SCAP: variants seen among roughly 807,000 people sequenced by gnomAD.
SCAP encodes SREBF chaperone.
Under a neutral mutation model 123.6 loss-of-function variants are expected in SCAP, and 65 were observed. That is an observed-to-expected ratio of 0.53 (90% CI 0.43 to 0.65). SCAP has a LOEUF of 0.65. SCAP is among the 30% of genes least tolerant of loss of function. The pLI is 0.00. For missense variants in SCAP, 1,398 were observed against 1,712.5 expected (o/e 0.82, Z 3.24); for synonymous variants, 740 against 726.3 (o/e 1.02, Z -0.30).
intron 2 of SCAP, among the ~76,000 whole-genome samples, chr3:47,440,363 C>A (rs903099964): frequency 6.6e-6 from 1 of 152,148 alleles, no homozygotes; most frequent in Non-Finnish European, 1.5e-5. Context: ...GTCCCTGGGT[C>A]CATGATCTCT....
chr3:47,414,415 C>T, intron 21 of SCAP, 29 bp from the exon 22 acceptor site: 1 of 1,610,832 alleles, frequency 6.2e-7, no homozygotes, highest in Admixed American at 1.7e-5. Context: ...GGAGTGGGGT[C>T]ACCATGGTGT....
intron 10 of SCAP, among the ~76,000 whole-genome samples, chr3:47,422,108 G>A (rs1705928165): frequency 6.6e-6 from 1 of 152,296 alleles, no homozygotes; most frequent in African/African-American, 2.4e-5. Context: ...TGCACAGCCA[G>A]TCCCCAGCTC....
At chr3:47,453,617 T>C (rs1207187221) in intron 1 of SCAP, among the ~76,000 whole-genome samples, 2 of 152,176 alleles carry the variant, frequency 1.3e-5, no homozygotes, top group Admixed American at 6.6e-5. Flanking sequence ...CATTATCTCC[T>C]GAATCCTTGT....
rs142581614 is a variant in SCAP at position 47,427,562 on chromosome 3, C to G, written c.516G>C (p.Leu172=). ...CATTCTGCCAGAAGTTCCCAGGGGA[C>G]AGCAGCAGGCATCCATGCTCAGGGA... ...NLLPEHGCLL[L]SPGNFWQNDW... is the part of the protein sequence containing the mutation. The change falls in exon 5 of 23, where the codon CTG becomes CTC. Residue 172 remains leucine, a synonymous_variant. Coordinates refer to ENST00000265565, the MANE Select transcript of SCAP (RefSeq NM_012235.4). 550 of 1,614,192 alleles carry G rather than the reference C, an allele frequency of 3.4e-4. 2 individuals carry two copies. In the African/African-American group the frequency reaches 6.3e-3, roughly 19 times the overall value.
chr3:47,443,303 CTCT>C, intron 1 of SCAP: 1 of 203,128 alleles, frequency 4.9e-6, no homozygotes, highest in Non-Finnish European at 9.9e-6. Context: ...CTCTCTCTCT[CTCT>C]CTCTCCCTCC....
intron 1 of SCAP, among the ~76,000 whole-genome samples, chr3:47,468,796 T>C (rs1707927300): frequency 6.6e-6 from 1 of 152,216 alleles, no homozygotes; most frequent in Admixed American, 6.6e-5. Context: ...TCCTTGCCCA[T>C]GCCTATGGCC....
intron 6 of SCAP, among the ~76,000 whole-genome samples, chr3:47,426,439 TTTTA>T (rs937851075): frequency 2.9e-4 from 44 of 152,138 alleles, no homozygotes; most frequent in Non-Finnish European, 4.4e-5. Context: ...TATTTATTTA[TTTTA>T]TTTTTTATTT....
At chr3:47,469,824 G>A (rs1019778029) in intron 1 of SCAP, 10 of 585,476 alleles carry the variant, frequency 1.7e-5, no homozygotes, top group African/African-American at 1.3e-4. Context: ...ATTACCCTGG[G>A]CAGTTGGCAA....
intron 9 of SCAP, 122 bp downstream of exon 9, chr3:47,423,811 C>A: frequency 1.4e-6 from 1 of 721,032 alleles, no homozygotes; most frequent in Non-Finnish European, 2.4e-6. Context: ...CATATTATGC[C>A]GGAGGCAAGA....
rs577866140 is a variant in SCAP at position 47,432,978 on chromosome 3, A to G, written c.252+2030T>C. Reference sequence around the variant, plus strand: ...CCAACTGGGCTCCCTTTTATCCTCCACTGGATTGGATGATGCAAAAACATG... The same window carrying G: ...CCAACTGGGCTCCCTTTTATCCTCCGCTGGATTGGATGATGCAAAAACATG... On this transcript the variant is annotated intron_variant, in intron 3 of 22. Coordinates refer to ENST00000265565, the MANE Select transcript of SCAP (RefSeq NM_012235.4). 2.6e-5 allele frequency among the ~76,000 whole-genome samples: 4 copies of G among 152,250 alleles called. No individual in the cohort carries two copies. In the East Asian group the frequency reaches 7.7e-4, roughly 29 times the overall value.
intron 3 of SCAP, among the ~76,000 whole-genome samples, chr3:47,432,577 C>T (rs774229333): frequency 1.8e-4 from 27 of 152,164 alleles, no homozygotes; most frequent in African/African-American, 2.9e-4. Context: ...AGCAGTGAGT[C>T]GAGTAGGGAA....
chr3:47,417,961 GTGGGGA>G (rs1705695615), intron 16 of SCAP, 135 bp from the exon 17 acceptor site: 4 of 481,030 alleles, frequency 8.3e-6, no homozygotes, highest in East Asian at 3.9e-5. Flanking sequence ...GTGGTGCGGG[GTGGGGA>G]GAGGGGGGTA....
chr3:47,448,516 TTC>T (rs370924458), intron 1 of SCAP, among the ~76,000 whole-genome samples: 199 of 152,222 alleles, frequency 1.3e-3, no homozygotes, highest in African/African-American at 4.6e-3. Flanking sequence ...AAGATAAACT[TTC>T]TGTTATTGTC....
At chr3:47,448,689 G>T (rs1223766493) in intron 1 of SCAP, among the ~76,000 whole-genome samples, 1 of 149,968 alleles carries the variant, frequency 6.7e-6, no homozygotes, top group Non-Finnish European at 1.5e-5. Context: ...CATTTAGGTT[G>T]TCATATTTTG....
intron 3 of SCAP, chr3:47,428,989 C>T (rs1315028906): frequency 2.2e-5 from 6 of 267,836 alleles, no homozygotes. Flanking sequence ...ATACTAACTC[C>T]CCCCGGAATT....
At chr3:47,427,809 G>A in intron 4 of SCAP, 142 bp from the exon 5 acceptor site, 1 of 692,660 alleles carries the variant, frequency 1.4e-6, no homozygotes, top group East Asian at 2.7e-5. Flanking sequence ...CACTAGGGCA[G>A]CAGGGGGAAG....
rs1705870823 is a variant in SCAP, at chr3:47,420,906, A to C, written c.1344+25T>G. On this transcript the variant is annotated intron_variant, in intron 11 of 22. Transcript: ENST00000265565. This position sits in a 1 kb window ranked among gnomAD's most constrained non-coding sequence, Gnocchi z 5.0. ...TACAGCCAGGGCTGAGGAGGCGGGC[A>C]GGGCAGGGCTCAGCCCACTCCTACC... 1 of 1,601,130 alleles carries C rather than the reference A, an allele frequency of 6.2e-7. No homozygotes were observed. Among genetic ancestry groups the C allele is most frequent in the Non-Finnish European group, 8.6e-7 (1 of 1,168,454 alleles).
At chr3:47,474,774 G>A (rs1282824844) in intron 1 of SCAP, among the ~76,000 whole-genome samples, 3 of 152,188 alleles carry the variant, frequency 2.0e-5, no homozygotes, top group Admixed American at 6.6e-5. Context: ...TCCAGCCTGG[G>A]AGACAGAGTG....
At chr3:47,464,687 T>A (rs1707762210) in intron 1 of SCAP, among the ~76,000 whole-genome samples, 1 of 152,174 alleles carries the variant, frequency 6.6e-6, no homozygotes. Flanking sequence ...GCTTTTCCCC[T>A]AAAATCAGGA....
Sources: gnomAD v4.1 joint callset for allele counts (sites outside exome capture counted in the v4.1 genomes callset) on GRCh38, gnomAD v4.1.1 for gene constraint, Gnocchi (gnomAD v3.1) non-coding constraint, MANE v1.5 for transcripts, NCBI Gene and HGNC (gene_info 2026-07-23, HGNC 2026-07-21) for gene names.